Variants in RGS4 observed in about 807,000 individuals in gnomAD.
The protein encoded by RGS4 is schizophrenia disorder 9.
In RGS4, 15 loss-of-function variants were observed where a neutral mutation model predicts 21.6. The observed-to-expected ratio is 0.69, with a 90% CI of 0.46 to 1.07. The LOEUF (loss-of-function observed/expected upper bound fraction) is 1.07, where lower values mean the gene tolerates loss of function less well. Among genes scored for constraint, RGS4 ranks in the 50% least tolerant of loss-of-function variants. The probability of loss-of-function intolerance (pLI) is 0.00; values close to 1 mark genes in which losing one functional copy is unlikely to be tolerated. For synonymous variants in RGS4, 94 were observed against 85.5 expected (o/e 1.10, Z -0.55); for missense variants, 237 against 239.0 (o/e 0.99, Z 0.06).
chr1:163,073,450 T>A lies in RGS4; in HGVS notation c.212-6T>A. The A allele has an allele frequency of 1.3e-6, 2 of 1,567,848 alleles. No homozygotes were observed. The highest frequency in any genetic ancestry group is 1.7e-6 in the Non-Finnish European group (2 of 1,163,290). The stretch of plus-strand genomic sequence containing the variant: ...GACAACTGTGGTCCTTTCTCCTGTA[T>A]CATAGGTGGGCTGGCAGCTTTCAAA... On this transcript the variant is annotated splice_polypyrimidine_tract_variant and splice_region_variant and intron_variant, in intron 3 of 4. Transcript: ENST00000367909.
At chr1:163,071,530 A>G (rs1655299508) in intron 1 of RGS4, among the ~76,000 whole-genome samples, 1 of 152,152 alleles carries the variant, frequency 6.6e-6, no homozygotes, top group South Asian at 2.1e-4. Flanking sequence ...GCTTATTAAA[A>G]GACCCCCTTT....
intron 1 of RGS4, among the ~76,000 whole-genome samples, chr1:163,069,768 T>C (rs1655243301): frequency 6.6e-6 from 1 of 152,150 alleles, no homozygotes; most frequent in Admixed American, 6.6e-5. Context: ...TTCTATTCTT[T>C]AAGCCAGGTC....
chr1:163,073,812 A>G, intron 4 of RGS4, 190 bp downstream of exon 4: 1 of 513,330 alleles, frequency 1.9e-6, no homozygotes, highest in South Asian at 3.1e-5. Flanking sequence ...TATACAATAA[A>G]CTATTGATAA....
intron 3 of RGS4, 36 bp from the exon 4 acceptor site, chr1:163,073,420 G>A (rs1457269256): frequency 1.3e-6 from 2 of 1,506,134 alleles, no homozygotes. Context: ...GCCAACCAGT[G>A]TGATGACAAC....
rs1193309921 is a variant in RGS4 at position 163,074,598 on chromosome 1, CTA to C, written c.*40_*41del. 5 of 1,613,734 alleles carry C rather than the reference CTA, an allele frequency of 3.1e-6. No individual in the cohort carries two copies. Among genetic ancestry groups the C allele is most frequent in the Non-Finnish European group, 4.2e-6 (5 of 1,179,790 alleles). On this transcript the variant is annotated 3_prime_UTR_variant, in exon 5 of 5. Transcript: ENST00000367909. Reference sequence around the variant, plus strand: ...GGCAGAGGGATGAAATGCCAAGACTCTATGCTCTGGAAAACCTGAGGCCAAAT... The same window carrying C: ...GGCAGAGGGATGAAATGCCAAGACTCTGCTCTGGAAAACCTGAGGCCAAAT...
Position 163,076,314 on chromosome 1 carries a change from A to C in RGS4, c.*1754A>C, listed in dbSNP as rs562043537. The C allele has an allele frequency of 9.2e-5, 14 of 152,726 alleles. No individual in the cohort carries two copies. The highest frequency in any genetic ancestry group is 3.4e-4 in the African/African-American group (14 of 41,564). 9.5% of individuals were successfully genotyped at this position (152,726 alleles called of 1,614,324 possible). ...TGAAGACACCAGAGTGTATGCATAC[A>C]AATCTCACTGTATTAAAGATGCAGG... On this transcript the variant is annotated 3_prime_UTR_variant, in exon 5 of 5. Transcript: ENST00000367909.
intron 1 of RGS4, among the ~76,000 whole-genome samples, chr1:163,071,401 T>G (rs1655295412): frequency 6.6e-6 from 1 of 152,152 alleles, no homozygotes; most frequent in South Asian, 2.1e-4. Flanking sequence ...ATAGACACAT[T>G]TAGTTATTCA....
chr1:163,072,051 T>G, intron 1 of RGS4: 1 of 1,012,454 alleles, frequency 9.9e-7, no homozygotes. Flanking sequence ...CAGAGATCAC[T>G]CATGTGTTCA....
At chr1:163,074,085 TC>T in intron 4 of RGS4, 1 of 533,318 alleles carries the variant, frequency 1.9e-6, no homozygotes, top group Non-Finnish European at 3.3e-6. Flanking sequence ...CTGATGAATC[TC>T]CCCAATTTGT....
rs1284200062 is a variant in RGS4 at position 163,074,514 on chromosome 1, C to T, written c.572C>T (p.Ala191Val). Reference protein sequence around the residue: ...SSCGAEKQKGAKSSADCASLV... With the variant: ...SSCGAEKQKGVKSSADCASLV... The stretch of plus-strand genomic sequence containing the variant: ...TGTGGGGCAGAAAAGCAGAAAGGAG[C>T]CAAGAGTTCAGCAGACTGTGCTTCC... The change falls in exon 5 of 5, where the codon GCC (alanine) becomes GTC (valine). Residue 191 changes from alanine (A) to valine (V), a missense_variant. By Grantham distance (64) the Ala-to-Val change is moderately conservative. Transcript: ENST00000367909. 1.2e-6 allele frequency: 2 copies of T among 1,613,928 alleles called. No individual in the cohort carries two copies. Among genetic ancestry groups the T allele is most frequent in the South Asian group, 1.1e-5 (1 of 91,078 alleles).
At chr1:163,074,060 C>T in intron 4 of RGS4, 1 of 508,866 alleles carries the variant, frequency 2.0e-6, no homozygotes, top group East Asian at 3.2e-5. Flanking sequence ...CCATAACCTC[C>T]CTGCATGAAT....
chr1:163,071,932 C>G (rs897354597), intron 1 of RGS4: 40 of 975,548 alleles, frequency 4.1e-5, no homozygotes, highest in Non-Finnish European at 4.8e-5. Context: ...CTACAGTTCC[C>G]TCTGCCAGCA....
rs765523075 is a variant in RGS4 at position 163,069,438 on chromosome 1, C to T, written c.-47C>T. 8.6e-5 allele frequency: 139 copies of T among 1,612,840 alleles called. No homozygotes were observed. Among genetic ancestry groups the T allele is most frequent in the Non-Finnish European group, 1.2e-4 (136 of 1,179,600 alleles). On this transcript the variant is annotated 5_prime_UTR_variant, in exon 1 of 5. Transcript: ENST00000367909. ...GCTCAAAGCCGAAGCCACAGCTCCT[C>T]CTGCCGCATTTCTTTCCTGCTTGCG...
chr1:163,073,170 C>T (rs971113058), intron 3 of RGS4, among the ~76,000 whole-genome samples: 3 of 152,132 alleles, frequency 2.0e-5, no homozygotes, highest in African/African-American at 7.2e-5. Flanking sequence ...TTCTCTTTCC[C>T]AAATTGACCT....
rs765560010 is a variant in RGS4 at position 163,073,445 on chromosome 1, C to T, written c.212-11C>T. 2.6e-6 allele frequency: 4 copies of T among 1,557,984 alleles called. No individual in the cohort carries two copies. The East Asian group carries it at 9.1e-5, about 35-fold the overall frequency. ...GTGATGACAACTGTGGTCCTTTCTCCTGTATCATAGGTGGGCTGGCAGCTT... is the reference window on the plus strand; with the variant it reads ...GTGATGACAACTGTGGTCCTTTCTCTTGTATCATAGGTGGGCTGGCAGCTT... On this transcript the variant is annotated splice_polypyrimidine_tract_variant and intron_variant, in intron 3 of 4. Coordinates refer to ENST00000367909, the MANE Select transcript of RGS4 (RefSeq NM_005613.6).
Position 163,075,057 on chromosome 1 carries a change from G to T in RGS4, c.*497G>T. ...TTAGACACACATATACATTATTTCT[G>T]TATATAGATGTCTGTGTATACATAT... On this transcript the variant is annotated 3_prime_UTR_variant, in exon 5 of 5. Coordinates refer to ENST00000367909, the MANE Select transcript of RGS4 (RefSeq NM_005613.6). 4.4e-6 allele frequency: 1 copy of T among 229,472 alleles called. No individual in the cohort carries two copies. The highest frequency in any genetic ancestry group is 8.5e-6 in the Non-Finnish European group (1 of 117,104). The allele number at this position is 229,472 out of a possible 1,614,324, so 14.2% of individuals were successfully genotyped here.
At chr1:163,074,178 C>T in intron 4 of RGS4, 143 bp from the exon 5 acceptor site, 1 of 970,648 alleles carries the variant, frequency 1.0e-6, no homozygotes, top group East Asian at 2.4e-5. Context: ...TCACATGTGC[C>T]AAGGAGGACC....
intron 1 of RGS4, chr1:163,070,527 G>A (rs1655266071): frequency 6.6e-6 from 1 of 152,140 alleles, no homozygotes; most frequent in Non-Finnish European, 1.5e-5. Flanking sequence ...TCATTCAGGA[G>A]TATGGAAGTA....
intron 3 of RGS4, among the ~76,000 whole-genome samples, 194 bp downstream of exon 3, chr1:163,073,060 C>T (rs145993018): frequency 7.2e-5 from 11 of 152,182 alleles, no homozygotes; most frequent in Admixed American, 2.0e-4. Context: ...AAAGTTTATG[C>T]AGGAACCATG....
Sources: gnomAD v4.1 joint callset for allele counts (sites outside exome capture counted in the v4.1 genomes callset) on GRCh38, gnomAD v4.1.1 for gene constraint, MANE v1.5 for transcripts, NCBI Gene and HGNC (gene_info 2026-07-23, HGNC 2026-07-21) for gene names.